The following ABCA7 variants were observed in gnomAD, a reference collection of about 807,000 sequenced individuals.
The protein encoded by ABCA7 is ATP binding cassette subfamily A member 7.
Under a neutral mutation model 227.6 loss-of-function variants are expected in ABCA7, and 261 were observed. That is an observed-to-expected ratio of 1.15 (90% CI 1.04 to 1.27). ABCA7 has a LOEUF of 1.27. Ranked by LOEUF, ABCA7 falls within the 50% of genes most tolerant of loss-of-function variation. ABCA7 has a pLI of 0.00. For synonymous variants in ABCA7, 1,488 were observed against 1,279.7 expected (o/e 1.16, Z -3.47); for missense variants, 3,331 against 2,924.5 (o/e 1.14, Z -3.21).
At chr19:1,049,900 C>G (rs201349169) in intron 18 of ABCA7, among the ~76,000 whole-genome samples, 1 of 8,636 alleles carries the variant, frequency 1.2e-4, no homozygotes, top group Non-Finnish European at 2.2e-4. Flanking sequence ...TCCCTGTGAG[C>G]CCCCCCACCA....
intron 23 of ABCA7, among the ~76,000 whole-genome samples, chr19:1,052,934 C>T (rs982315529): frequency 1.7e-4 from 26 of 152,108 alleles, no homozygotes; most frequent in African/African-American, 6.3e-4. Flanking sequence ...TGCTCTGTCG[C>T]CCAGGCTGTA....
At chr19:1,049,471 C>A (rs532535178) in intron 18 of ABCA7, 34 bp downstream of exon 18, 1 of 1,145,596 alleles carries the variant, frequency 8.7e-7, no homozygotes, top group African/African-American at 2.9e-5. Context: ...CCGTGAGCCC[C>A]CCCACTCCCA....
At position 1,058,193 on chromosome 19, in the gene ABCA7, C is replaced by G; in HGVS notation, c.5073C>G (p.Phe1691Leu). 4 of 1,613,716 alleles carry G rather than the reference C, an allele frequency of 2.5e-6. No homozygotes were observed. The highest frequency in any genetic ancestry group is 3.4e-6 in the Non-Finnish European group (4 of 1,179,948). ...SRILKQVFLI[F>L]PHFCLGRGLI... ...TCTTGAAACAGGTCTTCCTTATCTT[C>G]CCCCACTTCTGCTTGGGCCGGGGGC... is the stretch of plus-strand genomic sequence containing the variant. Residue 1691 changes from phenylalanine (F) to leucine (L), a missense_variant, in exon 37 of 47, where the codon TTC becomes TTG. Phe to Leu is a conservative substitution (Grantham distance 22). Coordinates refer to ENST00000263094, the MANE Select transcript of ABCA7 (RefSeq NM_019112.4).
chr19:1,047,578 C>A lies in ABCA7; in HGVS notation c.2193C>A (p.Ala731=). 1 of 1,603,488 alleles carries A rather than the reference C, an allele frequency of 6.2e-7. No individual in the cohort carries two copies. The highest frequency in any genetic ancestry group is 1.1e-5 in the South Asian group (1 of 90,864). Residue 731 remains alanine, a synonymous_variant, in exon 16 of 47, where the codon GCC becomes GCA. Transcript: ENST00000263094. ...CTACGGCAGACGTCTTCAGCCTGGC[C>A]CAGGTCTCTGGCCTTCTGCTGCTGG... ...TRPTADVFSL[A]QVSGLLLLDA...
intron 40 of ABCA7, among the ~76,000 whole-genome samples, chr19:1,060,216 TC>T (rs748084724): frequency 0.021 from 2,916 of 141,680 alleles, 98 homozygotes; most frequent in South Asian, 0.072. Flanking sequence ...TATTTTTTTT[TC>T]TTTTTTTTTC....
chr19:1,047,538 A>C lies in ABCA7; in HGVS notation c.2153A>C (p.Asn718Thr), dbSNP rs3752239. The change falls in exon 16 of 47, where the codon AAC (asparagine) becomes ACC (threonine). Residue 718 changes from asparagine (N) to threonine (T), a missense_variant. Coordinates refer to ENST00000263094, the MANE Select transcript of ABCA7 (RefSeq NM_019112.4). ...CAGGGCGAGGGCGCGCAGTGGCACAACGTGGGCACCCGGCCTACGGCAGAC... is the reference window on the plus strand; with the variant it reads ...CAGGGCGAGGGCGCGCAGTGGCACACCGTGGGCACCCGGCCTACGGCAGAC... Reference protein sequence around the residue: ...EEQGEGAQWHNVGTRPTADVF... With the variant: ...EEQGEGAQWHTVGTRPTADVF... The C allele has an allele frequency of 0.043, 68,210 of 1,598,798 alleles. 2,010 individuals carry two copies. The highest frequency in any genetic ancestry group is 0.16 in the East Asian group (7,170 of 44,624).
intron 10 of ABCA7, 54 bp from the exon 11 acceptor site, chr19:1,044,523 A>G (rs1466909269): frequency 6.4e-7 from 1 of 1,569,446 alleles, no homozygotes; most frequent in South Asian, 1.2e-5. Context: ...CTGGGATTAC[A>G]GGCATGAGCC....
Position 1,054,649 on chromosome 19 carries a change from T to C in ABCA7, c.3806T>C (p.Leu1269Pro). Residue 1269 changes from leucine to proline, a missense_variant, in exon 28 of 47, where the codon CTG becomes CCG. Leu to Pro is a moderately conservative substitution (Grantham distance 98). Coordinates refer to ENST00000263094, the MANE Select transcript of ABCA7 (RefSeq NM_019112.4). This position sits in a 1 kb window ranked among gnomAD's most constrained non-coding sequence, Gnocchi z 4.8. Reference protein sequence around the residue: ...IVPPFGHYPALRLSPTMYGAQ... With the variant: ...IVPPFGHYPAPRLSPTMYGAQ... ...CCTCCTTTCGGGCACTACCCGGCTC[T>C]GCGGCTCAGTCCCACCATGTACGGT... The C allele has an allele frequency of 6.2e-7, 1 of 1,613,426 alleles. No individual in the cohort carries two copies. Among genetic ancestry groups the C allele is most frequent in the Non-Finnish European group, 8.5e-7 (1 of 1,179,940 alleles).
At position 1,041,858 on chromosome 19, in the gene ABCA7, C is replaced by G. The variant is rs760419954; in HGVS notation, c.188C>G (p.Ser63Trp). 1 of 1,598,202 alleles carries G rather than the reference C, an allele frequency of 6.3e-7. No individual in the cohort carries two copies. Among genetic ancestry groups the G allele is most frequent in the Admixed American group, 1.7e-5 (1 of 58,282 alleles). The change falls in exon 4 of 47, where the codon TCG becomes TGG. Residue 63 changes from serine to tryptophan, a missense_variant. Ser to Trp is a radical substitution (Grantham distance 177, BLOSUM62 -3). Coordinates refer to ENST00000263094, the MANE Select transcript of ABCA7 (RefSeq NM_019112.4). ...CACTTCCCAAACAAGCCACTGCCATCGGCGGGCACCGTGCCCTGGCTCCAG... is the reference window on the plus strand; with the variant it reads ...CACTTCCCAAACAAGCCACTGCCATGGGCGGGCACCGTGCCCTGGCTCCAG... ...ECHFPNKPLP[S>W]AGTVPWLQGL...
rs377423219 is a variant in ABCA7 at position 1,047,010 on chromosome 19, G to T, written c.1831G>T (p.Val611Phe). The change falls in exon 14 of 47, where the codon GTT becomes TTT. Residue 611 changes from valine (V) to phenylalanine (F), a missense_variant. By Grantham distance (50) the Val-to-Phe change is conservative. Coordinates refer to ENST00000263094, the MANE Select transcript of ABCA7 (RefSeq NM_019112.4). ...GPFLLSAALL[V>F]LVLKLGDILP... ...CTTCCTGCTCAGCGCCGCACTGCTG[G>T]TTCTGGTGCTCAAGGTGGGCGCGCC... 6.4e-7 allele frequency: 1 copy of T among 1,569,340 alleles called. No homozygotes were observed. Among genetic ancestry groups the T allele is most frequent in the African/African-American group, 1.3e-5 (1 of 74,230 alleles).
At chr19:1,041,758 G>A (rs939257344) in intron 3 of ABCA7, 73 bp from the exon 4 acceptor site, 6 of 1,589,412 alleles carry the variant, frequency 3.8e-6, no homozygotes, top group Middle Eastern at 1.8e-4. Context: ...GCATGCAAGC[G>A]GTGCCGGGCG....
In ABCA7 at chr19:1,063,592, C is replaced by T. The variant is rs866761348; in HGVS notation, c.5761C>T (p.Arg1921Trp). The change falls in exon 43 of 47, where the codon CGG (arginine) becomes TGG (tryptophan). Residue 1921 changes from arginine to tryptophan, a missense_variant. Arg to Trp is a moderately radical substitution (Grantham distance 101). Transcript: ENST00000263094. ...ARLGLSWYAD[R>W]PAGTYSGGNK... ...TCTGGGACTCTCATGGTACGCAGAC[C>T]GGCCTGCAGGCACCTACAGCGGAGG... 11 of 1,611,086 alleles carry T rather than the reference C, an allele frequency of 6.8e-6. No homozygotes were observed. In the African/African-American group the frequency reaches 8.0e-5, roughly 12 times the overall value.
In ABCA7 at chr19:1,063,650, T is replaced by C; in HGVS notation, c.5819T>C (p.Leu1940Pro). Reference protein sequence around the residue: ...NKRKLATALALVGDPAVVFLD... With the variant: ...NKRKLATALAPVGDPAVVFLD... Reference sequence around the variant, plus strand: ...CGCAAGCTGGCGACGGCCCTGGCGCTGGTTGGGGACCCAGCCGTGGTGTTT... The same window carrying C: ...CGCAAGCTGGCGACGGCCCTGGCGCCGGTTGGGGACCCAGCCGTGGTGTTT... Residue 1940 changes from leucine to proline, a missense_variant, in exon 43 of 47, where the codon CTG (leucine) becomes CCG (proline). Coordinates refer to ENST00000263094, the MANE Select transcript of ABCA7 (RefSeq NM_019112.4). The C allele has an allele frequency of 6.2e-7, 1 of 1,609,630 alleles. No homozygotes were observed. Among genetic ancestry groups the C allele is most frequent in the South Asian group, 1.1e-5 (1 of 90,814 alleles).
In ABCA7 at chr19:1,056,209, G is replaced by A. The variant is rs2042239674; in HGVS notation, c.4382G>A (p.Trp1461Ter). ...LDRVLKNLTA[W>*]AHSLDAQDSL... is the part of the protein sequence containing the mutation. ...CGTGTCCTGAAAAACCTCACAGCCT[G>A]GGCTCACAGCCTGGATGCTCAGGAC... The change falls in exon 32 of 47, where the codon TGG (tryptophan) becomes TAG (stop). Residue 1461 changes from tryptophan to a stop codon, truncating the protein, a stop_gained. Transcript: ENST00000263094. LOFTEE classifies it high-confidence loss of function. The surrounding 1 kb of genome is among the most constrained non-coding windows in gnomAD (Gnocchi z 4.3). 1.9e-6 allele frequency: 3 copies of A among 1,602,888 alleles called. No homozygotes were observed. The highest frequency in any genetic ancestry group is 2.6e-6 in the Non-Finnish European group (3 of 1,176,138).
At chr19:1,055,499 CTTTT>C (rs397709972) in intron 30 of ABCA7, 148 bp downstream of exon 30, 3,523 of 423,626 alleles carry the variant, frequency 8.3e-3, no homozygotes, top group East Asian at 9.8e-3. Context: ...TTCCTTTCCT[CTTTT>C]TTTTTTTTTT....
rs747422846 is a variant in ABCA7 at position 1,061,811 on chromosome 19, A to G, written c.5493A>G (p.Ala1831=). ...TTGGGCTGCTGGGTGTGAATGGAGC[A>G]GGGAAGACGTCCACGTTTCGCATGG... ...ECFGLLGVNG[A]GKTSTFRMVT... The change falls in exon 41 of 47, where the codon GCA becomes GCG. Residue 1831 remains alanine (A), a synonymous_variant. Transcript: ENST00000263094. 1 of 1,612,108 alleles carries G rather than the reference A, an allele frequency of 6.2e-7. No individual in the cohort carries two copies. The highest frequency in any genetic ancestry group is 2.2e-5 in the East Asian group (1 of 44,786).
intron 44 of ABCA7, 109 bp downstream of exon 44, chr19:1,063,972 C>T (rs2042862599): frequency 8.6e-6 from 12 of 1,403,000 alleles, no homozygotes; most frequent in Non-Finnish European, 1.0e-5. Context: ...CCTAGTGGGG[C>T]GAGGGCGCCA....
At chr19:1,048,513 A>AAAAAAAAAAAAAAAAAAAAC (rs2040972294) in intron 16 of ABCA7, among the ~76,000 whole-genome samples, 2 of 141,494 alleles carry the variant, frequency 1.4e-5, no homozygotes, top group African/African-American at 5.3e-5. Context: ...AAAAAAACAA[A>AAAAAAAAAAAAAAAAAAAAC]AAAAAAAAAA....
rs757800771 is a variant in ABCA7, at chr19:1,054,341, G to A, written c.3726G>A (p.Gln1242=). 6.3e-7 allele frequency: 1 copy of A among 1,594,004 alleles called. No individual in the cohort carries two copies. The highest frequency in any genetic ancestry group is 1.1e-5 in the South Asian group (1 of 90,258). ...ARRSRRGLFA[Q]IVLPALFVGL... ...GCAGCCGCCGCGGCCTGTTCGCCCAGGTGAGGAGGGCTAGCACCAGGGAGT... is the reference window on the plus strand; with the variant it reads ...GCAGCCGCCGCGGCCTGTTCGCCCAAGTGAGGAGGGCTAGCACCAGGGAGT... The change falls in exon 27 of 47, where the codon CAG becomes CAA. Residue 1242 remains glutamine (Q), a splice_region_variant and synonymous_variant. Transcript: ENST00000263094. The surrounding 1 kb of genome is among the most constrained non-coding windows in gnomAD (Gnocchi z 4.8).
Sources: gnomAD v4.1 joint callset for allele counts (sites outside exome capture counted in the v4.1 genomes callset) on GRCh38, gnomAD v4.1.1 for gene constraint, Gnocchi (gnomAD v3.1) non-coding constraint, MANE v1.5 for transcripts, NCBI Gene and HGNC (gene_info 2026-07-23, HGNC 2026-07-21) for gene names.